ZNF83: variants seen among roughly 807,000 people sequenced by gnomAD.
The protein encoded by ZNF83 is zinc finger protein 816B.
For missense variants in ZNF83, 552 were observed against 629.9 expected, an observed-to-expected ratio of 0.88 and a Z score of 1.32; for synonymous variants, 209 against 213.0, an observed-to-expected ratio of 0.98 and a Z score of 0.17.
chr19:52,657,455 CA>C (rs751406433), intron 2 of ZNF83, among the ~76,000 whole-genome samples: 46 of 151,540 alleles, frequency 3.0e-4, no homozygotes, highest in Non-Finnish European at 5.3e-4. Flanking sequence ...ACTAAAAATA[CA>C]AAGATTAGCT....
chr19:52,686,441 C>A (rs1717381981), intron 1 of ZNF83, among the ~76,000 whole-genome samples: 2 of 133,846 alleles, frequency 1.5e-5, no homozygotes, highest in African/African-American at 6.0e-5. Context: ...TTCTCAAACT[C>A]CAACTGCAAA....
chr19:52,626,170 C>T (rs1004637703), intron 2 of ZNF83, among the ~76,000 whole-genome samples: 1 of 152,154 alleles, frequency 6.6e-6, no homozygotes. Flanking sequence ...TTTCTGCTTC[C>T]ACTATTGCCC....
intron 1 of ZNF83, among the ~76,000 whole-genome samples, chr19:52,664,938 C>T (rs961040966): frequency 6.6e-6 from 1 of 152,100 alleles, no homozygotes; most frequent in Non-Finnish European, 1.5e-5. Context: ...GAGAAGTGAA[C>T]ATGGGGTGGT....
intron 1 of ZNF83, among the ~76,000 whole-genome samples, chr19:52,669,028 A>T (rs894521838): frequency 9.2e-5 from 14 of 151,856 alleles, no homozygotes; most frequent in African/African-American, 3.4e-4. Flanking sequence ...ACCTGAAGGG[A>T]TGCAGAGAGC....
rs575963757 is a variant in ZNF83, at chr19:52,619,686, G to A, written c.-233-4889C>T. 2.0e-5 allele frequency among the ~76,000 whole-genome samples: 3 copies of A among 151,934 alleles called. No individual in the cohort carries two copies. The East Asian group carries it at 5.8e-4, about 29-fold the overall frequency. ...CACACCAAGTGACACTCAGTATCTA[G>A]ATGAGATAGAGCATGAGTGATGCCT... is the stretch of plus-strand genomic sequence containing the variant. On this transcript the variant is annotated intron_variant, in intron 2 of 2. Coordinates refer to ENST00000301096, the Ensembl canonical transcript of ZNF83.
chr19:52,618,627 C>T (rs1416472296), intron 2 of ZNF83: 15 of 382,874 alleles, frequency 3.9e-5, no homozygotes, highest in Non-Finnish European at 6.5e-5. Context: ...GAACTCCTGA[C>T]CTGAAGTGAT....
chr19:52,661,097 T>C (rs2061574031), intron 1 of ZNF83, among the ~76,000 whole-genome samples: 1 of 152,042 alleles, frequency 6.6e-6, no homozygotes, highest in Non-Finnish European at 1.5e-5. Context: ...TCTCCTGACC[T>C]TGAGATCTGC....
chr19:52,626,144 C>T (rs1396332316), intron 2 of ZNF83, among the ~76,000 whole-genome samples: 2 of 152,190 alleles, frequency 1.3e-5, no homozygotes, highest in Non-Finnish European at 2.9e-5. Flanking sequence ...AATCCCTCTA[C>T]TTATAGGGTT....
chr19:52,654,352 G>C, intron 3 of ZNF83: 1 of 1,326,380 alleles, frequency 7.5e-7, no homozygotes. Flanking sequence ...CACTTCTCCT[G>C]TATTACCGTG....
intron 3 of ZNF83, chr19:52,652,679 C>T: frequency 1.7e-6 from 1 of 585,740 alleles, no homozygotes; most frequent in Non-Finnish European, 3.2e-6. Flanking sequence ...TAATGATTTG[C>T]AATGCTTGTA....
upstream of ZNF83, among the ~76,000 whole-genome samples, chr19:52,642,211 T>C (rs1042299043): frequency 1.3e-5 from 2 of 149,538 alleles, no homozygotes; most frequent in Non-Finnish European, 3.0e-5. Context: ...AACAGAACTA[T>C]TTTAGGGTGA....
intron 1 of ZNF83, among the ~76,000 whole-genome samples, chr19:52,671,730 C>T (rs2061729625): frequency 6.6e-6 from 1 of 152,174 alleles, no homozygotes; most frequent in African/African-American, 2.4e-5. Context: ...GGCAAGCCAC[C>T]ACACCCATCC....
intron 1 of ZNF83, among the ~76,000 whole-genome samples, chr19:52,680,604 ATATTT>A (rs1380956665): frequency 1.6e-4 from 14 of 89,932 alleles, no homozygotes; most frequent in East Asian, 1.3e-3. Flanking sequence ...TTTCCACAAA[ATATTT>A]TTTTTTTTTT....
At chr19:52,687,197 A>G (rs917086713) in intron 1 of ZNF83, among the ~76,000 whole-genome samples, 2 of 148,026 alleles carry the variant, frequency 1.4e-5, no homozygotes, top group Non-Finnish European at 3.0e-5. Context: ...AAAAAAAAAA[A>G]GTACTATGTA....
At chr19:52,633,188 T>C (rs1451169159) in intron 2 of ZNF83, among the ~76,000 whole-genome samples, 4 of 152,022 alleles carry the variant, frequency 2.6e-5, no homozygotes, top group Non-Finnish European at 5.9e-5. Flanking sequence ...AAAGCTCCCC[T>C]ACTGGGCACC....
chr19:52,686,554 C>A (rs985364252), intron 1 of ZNF83, among the ~76,000 whole-genome samples: 2 of 150,780 alleles, frequency 1.3e-5, no homozygotes, highest in Middle Eastern at 3.2e-3. Flanking sequence ...ACTTTTGATA[C>A]CCCTTTTATT....
intron 1 of ZNF83, among the ~76,000 whole-genome samples, chr19:52,664,681 G>T (rs12976870): frequency 0.11 from 15,989 of 148,578 alleles, 942 homozygotes; most frequent in African/African-American, 0.15. Flanking sequence ...GCAAGGCCAG[G>T]AAGGGATGCA....
chr19:52,675,950 G>A (rs190904982), intron 1 of ZNF83, among the ~76,000 whole-genome samples: 70 of 152,122 alleles, frequency 4.6e-4, no homozygotes, highest in Non-Finnish European at 7.4e-4. Flanking sequence ...CCACCACTTT[G>A]GGAGGCCGAT....
intron 3 of ZNF83, chr19:52,652,695 A>T (rs1437555216): frequency 8.0e-6 from 5 of 625,330 alleles, no homozygotes; most frequent in African/African-American, 1.8e-5. Flanking sequence ...TTGTAGCATT[A>T]CTGAGGACTT....
Sources: gnomAD v4.1 joint callset for allele counts (sites outside exome capture counted in the v4.1 genomes callset) on GRCh38, gnomAD v4.1.1 for gene constraint, MANE v1.5 for transcripts, NCBI Gene and HGNC (gene_info 2026-07-23, HGNC 2026-07-21) for gene names.